Variants in NHLRC2 observed in about 807,000 individuals in gnomAD.
The protein encoded by NHLRC2 is NHL repeat-containing protein 2.
A neutral mutation model predicts 68.1 loss-of-function variants in NHLRC2; 33 were observed. The observed-to-expected ratio is 0.48, with a 90% CI of 0.37 to 0.65. The LOEUF is 0.65. NHLRC2 is among the 30% of genes least tolerant of loss of function. NHLRC2 has a pLI of 0.00. For missense variants in NHLRC2, 761 were observed against 853.8 expected (o/e 0.89, Z 1.35); for synonymous variants, 311 against 309.6 (o/e 1.00, Z -0.05).
At chr10:113,892,172 T>C (rs1468254215) in intron 5 of NHLRC2, among the ~76,000 whole-genome samples, 2 of 152,186 alleles carry the variant, frequency 1.3e-5, no homozygotes, top group African/African-American at 4.8e-5. Context: ...TAGTCATAGG[T>C]ACTTAAAATG....
chr10:113,889,976 A>G (rs1191322209), intron 5 of NHLRC2, among the ~76,000 whole-genome samples: 2 of 152,254 alleles, frequency 1.3e-5, no homozygotes, highest in Non-Finnish European at 2.9e-5. Flanking sequence ...TTCAGTGGCT[A>G]TAGAAAACCT....
chr10:113,884,701 C>T (rs991811422), intron 5 of NHLRC2, among the ~76,000 whole-genome samples: 2 of 151,014 alleles, frequency 1.3e-5, no homozygotes, highest in Non-Finnish European at 3.0e-5. Context: ...AGTATCAGAA[C>T]TTCAAAAGGT....
chr10:113,879,461 T>TGGGGGGGGG, intron 3 of NHLRC2, 113 bp from the exon 4 acceptor site: 1 of 926,520 alleles, frequency 1.1e-6, no homozygotes, highest in South Asian at 1.6e-5. Context: ...AGTTTTTAGA[T>TGGGGGGGGG]GGACATACCA....
In NHLRC2 at chr10:113,916,873, G is replaced by T. The variant is rs538744640; in HGVS notation, c.*8337G>T. On this transcript the variant is annotated 3_prime_UTR_variant, in exon 11 of 11. Coordinates refer to ENST00000369301, the MANE Select transcript of NHLRC2 (RefSeq NM_198514.4). ...ACAAGTTCATATATTGGTATTTCTA[G>T]ACATAGTCTAGTTCTAAAAGAATGT... 6.6e-6 allele frequency: 1 copy of T among 152,244 alleles called. No individual in the cohort carries two copies. The highest frequency in any genetic ancestry group is 1.9e-4 in the East Asian group (1 of 5,194). The allele number at this position is 152,244 out of a possible 1,614,324, so 9.4% of individuals were successfully genotyped here.
intron 2 of NHLRC2, among the ~76,000 whole-genome samples, chr10:113,873,801 A>G (rs749772123): frequency 6.6e-6 from 1 of 152,038 alleles, no homozygotes. Context: ...GGAGCAAAAC[A>G]CTCATCTGGC....
At chr10:113,857,239 C>T (rs1189440840) in intron 1 of NHLRC2, among the ~76,000 whole-genome samples, 2 of 152,084 alleles carry the variant, frequency 1.3e-5, no homozygotes, top group Admixed American at 6.6e-5. Flanking sequence ...ATCTAAGCCA[C>T]TCTTGACTAT....
intron 2 of NHLRC2, among the ~76,000 whole-genome samples, chr10:113,861,357 T>C (rs7073100): frequency 0.8 from 121,165 of 152,148 alleles, 48,316 homozygotes; most frequent in Admixed American, 0.85. Flanking sequence ...AAGAGAATCA[T>C]GCCAAGACAC....
chr10:113,858,117 A>G (rs1029478155), intron 1 of NHLRC2, among the ~76,000 whole-genome samples: 12 of 149,906 alleles, frequency 8.0e-5, no homozygotes, highest in African/African-American at 3.0e-4. Context: ...TTTCTGAAAG[A>G]ATTTAGTAGC....
rs2134746688 is a variant in NHLRC2 at position 113,910,901 on chromosome 10, C to T, written c.*2365C>T. 1 of 150,552 alleles carries T rather than the reference C, an allele frequency of 6.6e-6. No individual in the cohort carries two copies. The highest frequency in any genetic ancestry group is 1.9e-4 in the East Asian group (1 of 5,188). The allele number at this position is 150,552 out of a possible 1,614,324, so 9.3% of individuals were successfully genotyped here. Reference sequence around the variant, plus strand: ...CATTAAAAGTATTATTTATAGTAGACTAATATGATTTTGAATAAAATCACA... The same window carrying T: ...CATTAAAAGTATTATTTATAGTAGATTAATATGATTTTGAATAAAATCACA... On this transcript the variant is annotated 3_prime_UTR_variant, in exon 11 of 11. Transcript: ENST00000369301.
At chr10:113,858,887 C>T in intron 2 of NHLRC2, 1 of 387,826 alleles carries the variant, frequency 2.6e-6, no homozygotes, top group Non-Finnish European at 4.6e-6. Flanking sequence ...AAAGAACCAG[C>T]ATTTAGTATA....
At chr10:113,900,503 C>T (rs1336997131) in intron 6 of NHLRC2, among the ~76,000 whole-genome samples, 1 of 152,144 alleles carries the variant, frequency 6.6e-6, no homozygotes, top group Admixed American at 6.5e-5. Flanking sequence ...ACTAGGACCA[C>T]ACTGACCTGT....
chr10:113,871,638 A>G (rs1845926556), intron 2 of NHLRC2, among the ~76,000 whole-genome samples: 2 of 152,174 alleles, frequency 1.3e-5, no homozygotes, highest in South Asian at 2.1e-4. Flanking sequence ...TATTTAATCA[A>G]CTAACAAAGT....
Position 113,915,003 on chromosome 10 carries a change from A to G in NHLRC2, c.*6467A>G. The G allele has an allele frequency of 2.2e-6, 1 of 456,306 alleles. No homozygotes were observed. Among genetic ancestry groups the G allele is most frequent in the South Asian group, 1.5e-5 (1 of 64,574 alleles). 28.3% of individuals were successfully genotyped at this position (456,306 alleles called of 1,614,324 possible). ...TCACAGAGCCTGGGTAAGGTGGAAC[A>G]GGAGGCAGCCCCACTCGGCTTTTCT... On this transcript the variant is annotated 3_prime_UTR_variant, in exon 11 of 11. Coordinates refer to ENST00000369301, the MANE Select transcript of NHLRC2 (RefSeq NM_198514.4).
In NHLRC2 at chr10:113,854,818, T is replaced by C. The variant is rs1589531635; in HGVS notation, c.-55T>C. 1 of 1,467,804 alleles carries C rather than the reference T, an allele frequency of 6.8e-7. No homozygotes were observed. The highest frequency in any genetic ancestry group is 9.1e-7 in the Non-Finnish European group (1 of 1,093,292). The allele number at this position is 1,467,804 out of a possible 1,614,324, so 90.9% of individuals were successfully genotyped here. A position where few individuals can be genotyped will look rare whatever the true frequency, so the allele number is the denominator to read the frequency against. On this transcript the variant is annotated 5_prime_UTR_variant, in exon 1 of 11. Transcript: ENST00000369301. ...CACAGGACAGTGAACGTTTCGTCTCTCCCAGCGAGACTCTCCCGCGGGCCC... is the reference window on the plus strand; with the variant it reads ...CACAGGACAGTGAACGTTTCGTCTCCCCCAGCGAGACTCTCCCGCGGGCCC...
chr10:113,892,808 T>C (rs1288453526), intron 5 of NHLRC2, among the ~76,000 whole-genome samples: 1 of 152,176 alleles, frequency 6.6e-6, no homozygotes, highest in Non-Finnish European at 1.5e-5. Flanking sequence ...TGTGTGACTT[T>C]GGACAAGTTT....
chr10:113,878,798 A>G (rs886483342), intron 3 of NHLRC2, among the ~76,000 whole-genome samples: 8 of 151,980 alleles, frequency 5.3e-5, no homozygotes, highest in Non-Finnish European at 8.8e-5. Context: ...CAAAGTGCTG[A>G]GATTACAGAC....
chr10:113,901,883 G>C lies in NHLRC2; in HGVS notation c.1357G>C (p.Glu453Gln). 3 of 1,611,060 alleles carry C rather than the reference G, an allele frequency of 1.9e-6. No individual in the cohort carries two copies. The highest frequency in any genetic ancestry group is 1.7e-4 in the Middle Eastern group (1 of 6,056). Reference sequence around the variant, plus strand: ...AGCAGTGAAGCACCTCGTAGGAGGAGAAAGAGACCCCATGGTAATGACAGT... The same window carrying C: ...AGCAGTGAAGCACCTCGTAGGAGGACAAAGAGACCCCATGGTAATGACAGT... ...DGAVKHLVGG[E>Q]RDPMNLFAFG... is the part of the protein sequence containing the mutation. Residue 453 changes from glutamate (E) to glutamine (Q), a missense_variant, in exon 7 of 11, where the codon GAA becomes CAA. Coordinates refer to ENST00000369301, the MANE Select transcript of NHLRC2 (RefSeq NM_198514.4).
chr10:113,887,891 CACAG>C (rs1846096537), intron 5 of NHLRC2, among the ~76,000 whole-genome samples: 1 of 151,930 alleles, frequency 6.6e-6, no homozygotes, highest in Non-Finnish European at 1.5e-5. Context: ...ATAAGCCAAA[CACAG>C]ACAGACAGAT....
intron 1 of NHLRC2, among the ~76,000 whole-genome samples, chr10:113,855,268 C>T (rs1480034364): frequency 1.3e-5 from 2 of 152,220 alleles, no homozygotes; most frequent in Non-Finnish European, 2.9e-5. Context: ...GATCCACATA[C>T]TCGTCTGTGT....
Sources: allele counts gnomAD v4.1 joint callset (sites outside exome capture counted in the v4.1 genomes callset), GRCh38; gene constraint gnomAD v4.1.1; transcripts MANE v1.5; gene names NCBI Gene and HGNC (gene_info 2026-07-23, HGNC 2026-07-21).